Variants in KRTAP5-9 observed in about 807,000 individuals in gnomAD.
KRTAP5-9 encodes keratin-associated protein 5-9.
Under a neutral mutation model 3.0 loss-of-function variants are expected in KRTAP5-9, and 2 were observed. The ratio of observed to expected loss-of-function variants is 0.67; its 90% CI spans 0.27 to 2.09. The LOEUF (loss-of-function observed/expected upper bound fraction) is 2.09, where lower values mean the gene tolerates loss of function less well. Ranked by LOEUF, KRTAP5-9 falls within the 30% of genes most tolerant of loss-of-function variation. The pLI is 0.14. For synonymous variants in KRTAP5-9, 70 were observed against 81.2 expected (o/e 0.86, Z 0.74); for missense variants, 183 against 204.2 (o/e 0.90, Z 0.63).
At position 71,548,808 on chromosome 11, in the gene KRTAP5-9, G is replaced by T. The variant is rs749903640; in HGVS notation, c.151G>T (p.Ala51Ser). The T allele has an allele frequency of 3.7e-6, 6 of 1,613,492 alleles. No homozygotes were observed. The highest frequency in any genetic ancestry group is 1.7e-6 in the Non-Finnish European group (2 of 1,179,756). ...CAAGCCCGTGTGCTGCTGTGTTCCAGCCTGTTCCTGCTCTAGCTGTGGCAA... is the reference window on the plus strand; with the variant it reads ...CAAGCCCGTGTGCTGCTGTGTTCCATCCTGTTCCTGCTCTAGCTGTGGCAA... Reference protein sequence around the residue: ...CCKPVCCCVPACSCSSCGKRG... With the variant: ...CCKPVCCCVPSCSCSSCGKRG... Residue 51 changes from alanine to serine, a missense_variant, in exon 1 of 1, where the codon GCC (alanine) becomes TCC (serine). By Grantham distance (99) the Ala-to-Ser change is moderately conservative. Coordinates refer to ENST00000528743, the MANE Select transcript of KRTAP5-9 (RefSeq NM_005553.4).
Position 71,548,713 on chromosome 11 carries a change from C to G in KRTAP5-9, c.56C>G (p.Ser19Cys). Residue 19 changes from serine to cysteine, a missense_variant, in exon 1 of 1, where the codon TCC becomes TGC. Transcript: ENST00000528743. Reference protein sequence around the residue: ...GCGSSCGGCDSSCGSCGSGCR... With the variant: ...GCGSSCGGCDCSCGSCGSGCR... ...GGCTCCAGCTGTGGAGGCTGTGACT[C>G]CAGCTGTGGGAGCTGTGGCTCTGGC... 6.2e-7 allele frequency: 1 copy of G among 1,612,932 alleles called. No homozygotes were observed. Among genetic ancestry groups the G allele is most frequent in the Non-Finnish European group, 8.5e-7 (1 of 1,179,962 alleles).
Position 71,549,265 on chromosome 11 carries a change from C to T in KRTAP5-9, c.*98C>T. ...TCCCCTTCTGGATCTGAAAAGAGCCCTTGGCTCAGGGCGTCTTTTTCCAGC... is the reference window on the plus strand; with the variant it reads ...TCCCCTTCTGGATCTGAAAAGAGCCTTTGGCTCAGGGCGTCTTTTTCCAGC... On this transcript the variant is annotated 3_prime_UTR_variant, in exon 1 of 1. Coordinates refer to ENST00000528743, the MANE Select transcript of KRTAP5-9 (RefSeq NM_005553.4). 1 of 1,543,320 alleles carries T rather than the reference C, an allele frequency of 6.5e-7. No homozygotes were observed. The highest frequency in any genetic ancestry group is 8.8e-7 in the Non-Finnish European group (1 of 1,130,090).
rs61733899 is a variant in KRTAP5-9, at chr11:71,549,119, C to T, written c.462C>T (p.Cys154=). The change falls in exon 1 of 1, where the codon TGC becomes TGT. Residue 154 remains cysteine (C), a synonymous_variant. Coordinates refer to ENST00000528743, the MANE Select transcript of KRTAP5-9 (RefSeq NM_005553.4). The part of the protein sequence containing the change: ...CCQSSCCKPC[C]SQSRCCVPVC... ...AGTCCAGCTGCTGCAAGCCCTGCTG[C>T]TCCCAGTCCAGATGCTGTGTCCCTG... 0.024 allele frequency: 38,837 copies of T among 1,614,114 alleles called. 550 individuals are homozygous for T. The highest frequency in any genetic ancestry group is 0.027 in the Non-Finnish European group (32,249 of 1,179,958).
rs760011008 is a variant in KRTAP5-9, at chr11:71,549,277, C to T, written c.*110C>T. ...TCTGAAAAGAGCCCTTGGCTCAGGG[C>T]GTCTTTTTCCAGCCCCTGAGGAAAT... is the stretch of plus-strand genomic sequence containing the variant. On this transcript the variant is annotated 3_prime_UTR_variant, in exon 1 of 1. Transcript: ENST00000528743. The T allele has an allele frequency of 8.3e-5, 121 of 1,457,202 alleles. No individual in the cohort carries two copies. Among genetic ancestry groups the T allele is most frequent in the Non-Finnish European group, 9.8e-5 (104 of 1,061,442 alleles). The allele number at this position is 1,457,202 out of a possible 1,614,324, so 90.3% of individuals were successfully genotyped here.
At position 71,548,536 on chromosome 11, in the gene KRTAP5-9, G is replaced by A. The variant is rs371557159; in HGVS notation, c.-122G>A. ...CTCCAGGAGCTGTGTAACAGCAACC[G>A]GAAAGAGAAACAATGGTGTGTTCCT... On this transcript the variant is annotated 5_prime_UTR_variant, in exon 1 of 1. Transcript: ENST00000528743. The A allele has an allele frequency of 3.8e-5, 57 of 1,514,552 alleles. No homozygotes were observed. In the Middle Eastern group the frequency reaches 7.5e-4, roughly 20 times the overall value. 93.8% of individuals were successfully genotyped at this position (1,514,552 alleles called of 1,614,324 possible). A position where few individuals can be genotyped will look rare whatever the true frequency, so the allele number is the denominator to read the frequency against.
rs546193325 is a variant in KRTAP5-9 at position 71,549,556 on chromosome 11, T to C, written c.*389T>C. On this transcript the variant is annotated 3_prime_UTR_variant, in exon 1 of 1. Coordinates refer to ENST00000528743, the MANE Select transcript of KRTAP5-9 (RefSeq NM_005553.4). ...CAACCCAAATGATCACATGTATCTA[T>C]GGAAATCCAAAATGCATCTGGGTGC... is the stretch of plus-strand genomic sequence containing the variant. The C allele has an allele frequency of 9.5e-6, 3 of 316,604 alleles. No homozygotes were observed. The highest frequency in any genetic ancestry group is 1.5e-4 in the East Asian group (2 of 13,088). The allele number at this position is 316,604 out of a possible 1,614,324, so 19.6% of individuals were successfully genotyped here. A position where few individuals can be genotyped will look rare whatever the true frequency, so the allele number is the denominator to read the frequency against.
rs117137984 is a variant in KRTAP5-9, at chr11:71,549,001, G to T, written c.344G>T (p.Cys115Phe). The change falls in exon 1 of 1, where the codon TGT (cysteine) becomes TTT (phenylalanine). Residue 115 changes from cysteine to phenylalanine, a missense_variant. Coordinates refer to ENST00000528743, the MANE Select transcript of KRTAP5-9 (RefSeq NM_005553.4). The part of the protein sequence containing the change: ...YCSQCSCCKP[C>F]CSSSGRGSSC... Reference sequence around the variant, plus strand: ...TCCCAGTGCAGCTGCTGTAAGCCCTGTTGCTCCTCCTCGGGTCGTGGGTCA... The same window carrying T: ...TCCCAGTGCAGCTGCTGTAAGCCCTTTTGCTCCTCCTCGGGTCGTGGGTCA... 3.8e-3 allele frequency: 6,086 copies of T among 1,606,914 alleles called. 25 individuals carry two copies. Among genetic ancestry groups the T allele is most frequent in the Middle Eastern group, 0.015 (90 of 6,032 alleles).
rs542556367 is a variant in KRTAP5-9 at position 71,548,812 on chromosome 11, G to T, written c.155G>T (p.Cys52Phe). 13 of 1,613,860 alleles carry T rather than the reference G, an allele frequency of 8.1e-6. No homozygotes were observed. The African/African-American group carries it at 1.7e-4, about 22-fold the overall frequency. ...CKPVCCCVPA[C>F]SCSSCGKRGC... Reference sequence around the variant, plus strand: ...CCCGTGTGCTGCTGTGTTCCAGCCTGTTCCTGCTCTAGCTGTGGCAAGCGG... The same window carrying T: ...CCCGTGTGCTGCTGTGTTCCAGCCTTTTCCTGCTCTAGCTGTGGCAAGCGG... Residue 52 changes from cysteine to phenylalanine, a missense_variant, in exon 1 of 1, where the codon TGT becomes TTT. Coordinates refer to ENST00000528743, the MANE Select transcript of KRTAP5-9 (RefSeq NM_005553.4).
At position 71,549,027 on chromosome 11, in the gene KRTAP5-9, T is replaced by C; in HGVS notation, c.370T>C (p.Ser124Pro). Residue 124 changes from serine (S) to proline (P), a missense_variant, in exon 1 of 1, where the codon TCC becomes CCC. Physicochemically the swap from Ser to Pro is moderately conservative, Grantham distance 74. Coordinates refer to ENST00000528743, the MANE Select transcript of KRTAP5-9 (RefSeq NM_005553.4). ...TTGCTCCTCCTCGGGTCGTGGGTCA[T>C]CCTGCTGCCAATCCAGCTGCTGCAA... is the stretch of plus-strand genomic sequence containing the variant. ...PCCSSSGRGS[S>P]CCQSSCCKPC... The C allele has an allele frequency of 6.2e-7, 1 of 1,606,236 alleles. No homozygotes were observed. The highest frequency in any genetic ancestry group is 8.5e-7 in the Non-Finnish European group (1 of 1,178,794).
Position 71,549,136 on chromosome 11 carries a change from G to T in KRTAP5-9, c.479G>T (p.Cys160Phe), listed in dbSNP as rs778994147. ...CKPCCSQSRCCVPVCYQCKI is the reference protein window; with the variant it reads ...CKPCCSQSRCFVPVCYQCKI Reference sequence around the variant, plus strand: ...CCCTGCTGCTCCCAGTCCAGATGCTGTGTCCCTGTGTGCTACCAGTGCAAG... The same window carrying T: ...CCCTGCTGCTCCCAGTCCAGATGCTTTGTCCCTGTGTGCTACCAGTGCAAG... Residue 160 changes from cysteine to phenylalanine, a missense_variant, in exon 1 of 1, where the codon TGT becomes TTT. Coordinates refer to ENST00000528743, the MANE Select transcript of KRTAP5-9 (RefSeq NM_005553.4). The T allele has an allele frequency of 1.2e-6, 2 of 1,614,020 alleles. No homozygotes were observed. The highest frequency in any genetic ancestry group is 1.3e-5 in the African/African-American group (1 of 74,964).
rs183790886 is a variant in KRTAP5-9 at position 71,549,517 on chromosome 11, A to T, written c.*350A>T. ...CTGCCAGGAGCTTCACGACATTTGC[A>T]GATGGATGTCCTGCAACCCAAATGA... On this transcript the variant is annotated 3_prime_UTR_variant, in exon 1 of 1. Transcript: ENST00000528743. The T allele has an allele frequency of 2.4e-6, 1 of 409,990 alleles. No homozygotes were observed. Among genetic ancestry groups the T allele is most frequent in the African/African-American group, 2.0e-5 (1 of 49,790 alleles). 25.4% of individuals were successfully genotyped at this position (409,990 alleles called of 1,614,324 possible).
Position 71,548,609 on chromosome 11 carries a change from TC to T in KRTAP5-9, c.-47del. The T allele has an allele frequency of 6.3e-7, 1 of 1,583,806 alleles. No individual in the cohort carries two copies. Among genetic ancestry groups the T allele is most frequent in the Non-Finnish European group, 8.6e-7 (1 of 1,167,456 alleles). ...GCTCAGGGGGCTCCACACCTGCACCTCCTTCTCACCTGCTCCTCTACCTGCT... is the reference window on the plus strand; with the variant it reads ...GCTCAGGGGGCTCCACACCTGCACCTCTTCTCACCTGCTCCTCTACCTGCT... On this transcript the variant is annotated 5_prime_UTR_variant, in exon 1 of 1. Coordinates refer to ENST00000528743, the MANE Select transcript of KRTAP5-9 (RefSeq NM_005553.4).
chr11:71,548,816 C>T lies in KRTAP5-9; in HGVS notation c.159C>T (p.Ser53=). The part of the protein sequence containing the change: ...KPVCCCVPAC[S]CSSCGKRGCG... ...TGTGCTGCTGTGTTCCAGCCTGTTC[C>T]TGCTCTAGCTGTGGCAAGCGGGGCT... is the stretch of plus-strand genomic sequence containing the variant. The change falls in exon 1 of 1, where the codon TCC becomes TCT. Residue 53 remains serine, a synonymous_variant. Transcript: ENST00000528743. 6.2e-7 allele frequency: 1 copy of T among 1,613,962 alleles called. No homozygotes were observed.
chr11:71,549,368 T>C lies in KRTAP5-9; in HGVS notation c.*201T>C, dbSNP rs958836084. 1 of 775,610 alleles carries C rather than the reference T, an allele frequency of 1.3e-6. No individual in the cohort carries two copies. The highest frequency in any genetic ancestry group is 1.9e-5 in the South Asian group (1 of 53,314). 48.0% of individuals were successfully genotyped at this position (775,610 alleles called of 1,614,324 possible). On this transcript the variant is annotated 3_prime_UTR_variant, in exon 1 of 1. Coordinates refer to ENST00000528743, the MANE Select transcript of KRTAP5-9 (RefSeq NM_005553.4). Reference sequence around the variant, plus strand: ...CAAGACCCAGGCAATTTTGCCCCTCTTTCCCACATGCCCCCATATGTCTGA... The same window carrying C: ...CAAGACCCAGGCAATTTTGCCCCTCCTTCCCACATGCCCCCATATGTCTGA...
chr11:71,548,716 G>A lies in KRTAP5-9; in HGVS notation c.59G>A (p.Ser20Asn), dbSNP rs1369085445. 6.2e-7 allele frequency: 1 copy of A among 1,612,880 alleles called. No individual in the cohort carries two copies. The highest frequency in any genetic ancestry group is 1.3e-5 in the African/African-American group (1 of 74,900). Residue 20 changes from serine (S) to asparagine (N), a missense_variant, in exon 1 of 1, where the codon AGC becomes AAC. Ser to Asn is a conservative substitution (Grantham distance 46). Transcript: ENST00000528743. ...TCCAGCTGTGGAGGCTGTGACTCCA[G>A]CTGTGGGAGCTGTGGCTCTGGCTGC... ...CGSSCGGCDS[S>N]CGSCGSGCRG...
At position 71,549,042 on chromosome 11, in the gene KRTAP5-9, A is replaced by G; in HGVS notation, c.385A>G (p.Ser129Gly). The G allele has an allele frequency of 6.2e-7, 1 of 1,607,220 alleles. No homozygotes were observed. Among genetic ancestry groups the G allele is most frequent in the Non-Finnish European group, 8.5e-7 (1 of 1,179,348 alleles). ...SGRGSSCCQS[S>G]CCKPCCSSSG... ...TCGTGGGTCATCCTGCTGCCAATCC[A>G]GCTGCTGCAAGCCCTGCTGCTCATC... Residue 129 changes from serine (S) to glycine (G), a missense_variant, in exon 1 of 1, where the codon AGC (serine) becomes GGC (glycine). Transcript: ENST00000528743.
chr11:71,548,897 C>A lies in KRTAP5-9; in HGVS notation c.240C>A (p.Cys80Ter), dbSNP rs765916640. ...GTGGTTCTTGTGGCTGCTCCCAGTG[C>A]AGTTGCTGCAAGCCCTGCTGTTGCT... ...GGCGSCGCSQ[C>*]SCCKPCCCSS... The change falls in exon 1 of 1, where the codon TGC becomes TGA. Residue 80 changes from cysteine (C) to a stop codon, truncating the protein, a stop_gained. Transcript: ENST00000528743. LOFTEE classifies it low-confidence loss of function (END_TRUNC). 1.2e-5 allele frequency: 19 copies of A among 1,614,110 alleles called. No individual in the cohort carries two copies. Among genetic ancestry groups the A allele is most frequent in the Admixed American group, 1.7e-5 (1 of 60,018 alleles).
Position 71,548,678 on chromosome 11 carries a change from CGGAGGCTGTGGCTCCAGCTGT to C in KRTAP5-9, c.32_52del (p.Gly11_Cys17del). The C allele has an allele frequency of 6.2e-7, 1 of 1,610,950 alleles. No individual in the cohort carries two copies. The highest frequency in any genetic ancestry group is 8.5e-7 in the Non-Finnish European group (1 of 1,179,072). Reference sequence around the variant, plus strand: ...GAACCATGGGCTGCTGTGGCTGCTCCGGAGGCTGTGGCTCCAGCTGTGGAGGCTGTGACTCCAGCTGTGGGA... The same window carrying C: ...GAACCATGGGCTGCTGTGGCTGCTCCGGAGGCTGTGACTCCAGCTGTGGGA... On this transcript the variant is annotated inframe_deletion, in exon 1 of 1. Coordinates refer to ENST00000528743, the MANE Select transcript of KRTAP5-9 (RefSeq NM_005553.4).
chr11:71,549,295 G>C lies in KRTAP5-9; in HGVS notation c.*128G>C. 1 of 1,339,038 alleles carries C rather than the reference G, an allele frequency of 7.5e-7. No individual in the cohort carries two copies. The highest frequency in any genetic ancestry group is 1.0e-6 in the Non-Finnish European group (1 of 964,300). 82.9% of individuals were successfully genotyped at this position (1,339,038 alleles called of 1,614,324 possible). On this transcript the variant is annotated 3_prime_UTR_variant, in exon 1 of 1. Transcript: ENST00000528743. ...CTCAGGGCGTCTTTTTCCAGCCCCT[G>C]AGGAAATGGAATGAACCACTCCCTG... is the stretch of plus-strand genomic sequence containing the variant.
Sources: allele counts gnomAD v4.1 joint callset, GRCh38; gene constraint gnomAD v4.1.1; transcripts MANE v1.5; gene names NCBI Gene and HGNC (gene_info 2026-07-23, HGNC 2026-07-21).